The following NRG3 variants were observed in gnomAD, a reference collection of about 807,000 sequenced individuals.
NRG3 encodes the protein neuregulin 3.
Under a neutral mutation model 66.9 loss-of-function variants are expected in NRG3, and 31 were observed. That is an observed-to-expected ratio of 0.46 (90% confidence interval 0.35 to 0.63). NRG3 has a LOEUF of 0.63. Among genes scored for constraint, NRG3 ranks in the 20% least tolerant of loss-of-function variants. NRG3 has a pLI of 0.00. For missense variants in NRG3, 910 were observed against 878.9 expected (o/e 1.04, Z -0.45); for synonymous variants, 393 against 359.4 (o/e 1.09, Z -1.06).
intron 4 of NRG3, among the ~76,000 whole-genome samples, chr10:82,885,587 A>G (rs1302711533): frequency 6.6e-6 from 1 of 152,260 alleles, no homozygotes; most frequent in Non-Finnish European, 1.5e-5. Flanking sequence ...ATTTTGTCCT[A>G]TGTCAATACA....
At chr10:82,454,329 G>A (rs898772455) in intron 2 of NRG3, among the ~76,000 whole-genome samples, 2 of 152,214 alleles carry the variant, frequency 1.3e-5, no homozygotes, top group Admixed American at 6.5e-5. Flanking sequence ...TTTCTAAGAA[G>A]TTTGAACTAT....
chr10:82,699,166 G>A (rs537003085), intron 2 of NRG3, among the ~76,000 whole-genome samples: 1 of 152,104 alleles, frequency 6.6e-6, no homozygotes, highest in East Asian at 1.9e-4. Flanking sequence ...TAATCTTGAA[G>A]TAATTGTCTA....
intron 2 of NRG3, among the ~76,000 whole-genome samples, chr10:82,479,933 A>G (rs1274290073): frequency 6.6e-6 from 1 of 152,234 alleles, no homozygotes; most frequent in Admixed American, 6.5e-5. Context: ...GCGCCACTGC[A>G]CTCCAGCCTG....
chr10:82,039,121 C>T (rs900728518), intron 1 of NRG3, among the ~76,000 whole-genome samples: 3 of 152,086 alleles, frequency 2.0e-5, no homozygotes, highest in Admixed American at 2.0e-4. Context: ...AGATATTATG[C>T]AGCTTAAACT....
intron 2 of NRG3, among the ~76,000 whole-genome samples, chr10:82,621,877 C>T (rs1284603088): frequency 2.0e-5 from 3 of 152,204 alleles, no homozygotes; most frequent in East Asian, 1.9e-4. Context: ...TGTCTTGTTT[C>T]CTCAGAACCA....
intron 3 of NRG3, among the ~76,000 whole-genome samples, chr10:82,750,775 C>T (rs1450454532): frequency 6.6e-6 from 1 of 152,050 alleles, no homozygotes; most frequent in African/African-American, 2.4e-5. Flanking sequence ...TGATATGGGC[C>T]AACCAAATTT....
intron 3 of NRG3, among the ~76,000 whole-genome samples, chr10:82,850,162 A>C (rs1489929940): frequency 1.3e-5 from 2 of 152,192 alleles, no homozygotes; most frequent in African/African-American, 4.8e-5. Context: ...TTTCTAGAGG[A>C]TGCTTCAAGG....
chr10:81,961,485 GAACTAA>G (rs1850357606), intron 1 of NRG3, among the ~76,000 whole-genome samples: 1 of 96 alleles, frequency 0.01, no homozygotes, highest in African/African-American at 0.033. Flanking sequence ...AGGAATTAAT[GAACTAA>G]TGAACTAATG....
chr10:81,948,878 C>A (rs1347116062), intron 1 of NRG3, among the ~76,000 whole-genome samples: 1 of 152,130 alleles, frequency 6.6e-6, no homozygotes, highest in Non-Finnish European at 1.5e-5. Context: ...TGCTGTAATA[C>A]TCACAGGTAC....
intron 2 of NRG3, among the ~76,000 whole-genome samples, chr10:82,593,542 A>G (rs2047101258): frequency 7.1e-6 from 1 of 140,226 alleles, no homozygotes; most frequent in Non-Finnish European, 1.5e-5. Context: ...CAAAGCCATT[A>G]ATTAACATTT....
At chr10:82,191,235 T>C (rs1378711240) in intron 1 of NRG3, among the ~76,000 whole-genome samples, 1 of 152,168 alleles carries the variant, frequency 6.6e-6, no homozygotes, top group Non-Finnish European at 1.5e-5. Flanking sequence ...TGCTGAATCC[T>C]TAATTTTTTT....
chr10:82,356,738 G>A (rs1397322479), intron 1 of NRG3, among the ~76,000 whole-genome samples: 1 of 152,302 alleles, frequency 6.6e-6, no homozygotes, highest in Non-Finnish European at 1.5e-5. Flanking sequence ...TGAAGGCCTT[G>A]CTGTTGCAAT....
intron 2 of NRG3, among the ~76,000 whole-genome samples, chr10:82,422,837 C>A (rs1486719693): frequency 3.3e-5 from 5 of 151,964 alleles, no homozygotes; most frequent in Non-Finnish European, 7.4e-5. Context: ...GCTGTCAGAA[C>A]TTGTTGAGAG....
At chr10:82,723,259 A>T (rs773471714) in intron 2 of NRG3, among the ~76,000 whole-genome samples, 2 of 152,184 alleles carry the variant, frequency 1.3e-5, no homozygotes, top group African/African-American at 4.8e-5. Context: ...TGAAAACTGA[A>T]CAATGGGTTT....
intron 1 of NRG3, among the ~76,000 whole-genome samples, chr10:81,991,681 A>G (rs879478961): frequency 3.9e-5 from 6 of 152,150 alleles, no homozygotes; most frequent in Admixed American, 6.5e-5. Flanking sequence ...ACAAAACAAA[A>G]TGAAAACCAC....
chr10:82,913,683 C>G (rs1473438332), intron 4 of NRG3, among the ~76,000 whole-genome samples: 1 of 152,152 alleles, frequency 6.6e-6, no homozygotes, highest in African/African-American at 2.4e-5. Context: ...ACTTGGTTCT[C>G]TATAGGTGAG....
intron 1 of NRG3, among the ~76,000 whole-genome samples, chr10:82,066,093 A>G (rs1046981567): frequency 2.6e-5 from 4 of 152,184 alleles, no homozygotes; most frequent in African/African-American, 9.6e-5. Context: ...TTTCATTTTT[A>G]ATTTAACCAT....
chr10:82,606,574 C>A (rs1326194612), intron 2 of NRG3, among the ~76,000 whole-genome samples: 1 of 152,002 alleles, frequency 6.6e-6, no homozygotes, highest in Non-Finnish European at 1.5e-5. Flanking sequence ...CTTACTGATT[C>A]CCTACTGAAA....
intron 1 of NRG3, among the ~76,000 whole-genome samples, chr10:82,060,873 T>C (rs866173378): frequency 4.6e-5 from 7 of 152,332 alleles, no homozygotes; most frequent in Middle Eastern, 6.8e-3. Context: ...GGTTCGCTCT[T>C]TCTGACTCTG....
Sources: gnomAD v4.1 joint callset for allele counts (sites outside exome capture counted in the v4.1 genomes callset) on GRCh38, gnomAD v4.1.1 for gene constraint, MANE v1.5 for transcripts, NCBI Gene and HGNC (gene_info 2026-07-23, HGNC 2026-07-21) for gene names.